Variants in SOX5 observed in about 807,000 individuals in gnomAD.
The protein encoded by SOX5 is transcription factor SOX-5.
A neutral mutation model predicts 92.0 loss-of-function variants in SOX5; 9 were observed. That is an observed-to-expected ratio of 0.10 (90% CI 0.06 to 0.17). The LOEUF is 0.17. SOX5 is among the 10% of genes least tolerant of loss of function. The probability of loss-of-function intolerance (pLI) is 1.00; values close to 1 mark genes in which losing one functional copy is unlikely to be tolerated. For synonymous variants in SOX5, 344 were observed against 336.3 expected (o/e 1.02, Z -0.25); for missense variants, 642 against 944.5 (o/e 0.68, Z 4.20).
At chr12:24,070,350 C>T (rs1941567072) in intron 4 of SOX5, among the ~76,000 whole-genome samples, 1 of 152,124 alleles carries the variant, frequency 6.6e-6, no homozygotes, top group Admixed American at 6.5e-5. Flanking sequence ...TGATCAGGCC[C>T]TTTGATCACA....
At chr12:23,557,975 C>CA (rs371140908) in intron 11 of SOX5, among the ~76,000 whole-genome samples, 66,918 of 112,756 alleles carry the variant, frequency 0.59, 18,017 homozygotes, top group Non-Finnish European at 0.62. Flanking sequence ...GACTCCGCCT[C>CA]AAAAAAAAAA....
intron 3 of SOX5, among the ~76,000 whole-genome samples, chr12:23,831,459 C>T (rs34746785): frequency 0.084 from 12,800 of 151,936 alleles, 629 homozygotes; most frequent in Middle Eastern, 0.15. Flanking sequence ...CAGAGAGGGA[C>T]GGATGGGGGA....
At chr12:23,993,497 T>C (rs1449088737) in intron 4 of SOX5, among the ~76,000 whole-genome samples, 1 of 152,136 alleles carries the variant, frequency 6.6e-6, no homozygotes, top group Non-Finnish European at 1.5e-5. Flanking sequence ...AAAACTGTCA[T>C]CATGACTTCA....
intron 1 of SOX5, among the ~76,000 whole-genome samples, chr12:24,499,771 T>A (rs1434444681): frequency 3.5e-5 from 5 of 143,004 alleles, no homozygotes; most frequent in Admixed American, 7.1e-5. Context: ...TTTTTTTTTT[T>A]AAATAGAAAA....
intron 4 of SOX5, among the ~76,000 whole-genome samples, chr12:23,979,901 CTGG>C (rs769405385): frequency 0.028 from 3,946 of 141,210 alleles, 61 homozygotes; most frequent in East Asian, 0.044. Context: ...GGCTGGCTGG[CTGG>C]CTGGCTGGCC....
chr12:24,075,563 T>C (rs1942464197), intron 4 of SOX5, among the ~76,000 whole-genome samples: 1 of 152,168 alleles, frequency 6.6e-6, no homozygotes, highest in Non-Finnish European at 1.5e-5. Flanking sequence ...AATCCAAAGC[T>C]GCCCAAAAGT....
chr12:24,336,180 C>T (rs1951872743), intron 2 of SOX5, among the ~76,000 whole-genome samples: 2 of 151,310 alleles, frequency 1.3e-5, no homozygotes, highest in Non-Finnish European at 2.9e-5. Context: ...CTGCAAACTC[C>T]ATCTCCCAGG....
intron 4 of SOX5, among the ~76,000 whole-genome samples, chr12:23,997,229 C>T (rs1296392337): frequency 1.3e-5 from 2 of 152,168 alleles, no homozygotes; most frequent in African/African-American, 4.8e-5. Context: ...TTCACCAGCC[C>T]TAAGCTCTTT....
intron 3 of SOX5, among the ~76,000 whole-genome samples, chr12:24,226,183 CA>C (rs1054324572): frequency 6.6e-6 from 1 of 150,800 alleles, no homozygotes. Context: ...TCTCATGGTT[CA>C]AAAAAAAACT....
rs921117052 is a variant in SOX5, at chr12:23,530,626, A to G, written c.*3593T>C. On this transcript the variant is annotated 3_prime_UTR_variant, in exon 15 of 15. Coordinates refer to ENST00000451604, the MANE Select transcript of SOX5 (RefSeq NM_006940.6). ...GAAGAATAGTTTTATATTTTATCCA[A>G]TTGTGGTAAGTTAATCACTAACTTA... is the stretch of plus-strand genomic sequence containing the variant. 3 of 152,276 alleles carry G rather than the reference A, an allele frequency of 2.0e-5. No homozygotes were observed. The highest frequency in any genetic ancestry group is 4.4e-5 in the Non-Finnish European group (3 of 68,022). The allele number at this position is 152,276 out of a possible 1,614,324, so 9.4% of individuals were successfully genotyped here.
At chr12:24,217,278 T>C (rs1959226416) in intron 3 of SOX5, among the ~76,000 whole-genome samples, 1 of 152,142 alleles carries the variant, frequency 6.6e-6, no homozygotes, top group African/African-American at 2.4e-5. Flanking sequence ...ATAAGGACAG[T>C]CTAATTGAGG....
chr12:23,624,198 G>C (rs774010514), intron 8 of SOX5, among the ~76,000 whole-genome samples: 2 of 152,108 alleles, frequency 1.3e-5, no homozygotes, highest in Non-Finnish European at 2.9e-5. Flanking sequence ...GGAGAATGAG[G>C]AGTTGTTGAA....
intron 1 of SOX5, among the ~76,000 whole-genome samples, chr12:24,488,710 T>A (rs538153084): frequency 2.6e-4 from 40 of 152,236 alleles, no homozygotes; most frequent in Admixed American, 8.5e-4. Flanking sequence ...TAAGTGTAAG[T>A]ATTTTAAAAT....
intron 2 of SOX5, among the ~76,000 whole-genome samples, chr12:24,361,606 A>G (rs994966022): frequency 1.9e-4 from 26 of 139,988 alleles, no homozygotes; most frequent in Non-Finnish European, 3.7e-4. Flanking sequence ...AGGCTTTTTC[A>G]GGTTTTGTGT....
chr12:23,576,083 T>C (rs1029239567), intron 9 of SOX5, among the ~76,000 whole-genome samples: 9 of 152,240 alleles, frequency 5.9e-5, no homozygotes, highest in Non-Finnish European at 1.2e-4. Context: ...AGAAAGCAGA[T>C]AATTTTTGTA....
chr12:23,779,657 T>C (rs1455657791), intron 3 of SOX5, among the ~76,000 whole-genome samples: 2 of 151,330 alleles, frequency 1.3e-5, no homozygotes, highest in Admixed American at 6.6e-5. Context: ...GAAGAAACAT[T>C]AGCCTAAATC....
chr12:24,012,211 T>C (rs999160902), intron 4 of SOX5, among the ~76,000 whole-genome samples: 9 of 152,198 alleles, frequency 5.9e-5, no homozygotes, highest in Admixed American at 3.3e-4. Flanking sequence ...TTATTTTTAC[T>C]TTAAGCAACT....
At chr12:24,147,751 A>G (rs1412087904) in intron 4 of SOX5, among the ~76,000 whole-genome samples, 1 of 152,226 alleles carries the variant, frequency 6.6e-6, no homozygotes, top group South Asian at 2.1e-4. Context: ...AATTAGCTAT[A>G]TTCTATATAT....
chr12:23,676,322 T>C (rs2085684463), intron 6 of SOX5, among the ~76,000 whole-genome samples: 1 of 152,196 alleles, frequency 6.6e-6, no homozygotes, highest in East Asian at 1.9e-4. Flanking sequence ...TATCATGTTG[T>C]ATACCCTAAA....
Sources: gnomAD v4.1 joint callset for allele counts (sites outside exome capture counted in the v4.1 genomes callset) on GRCh38, gnomAD v4.1.1 for gene constraint, MANE v1.5 for transcripts, NCBI Gene and HGNC (gene_info 2026-07-23, HGNC 2026-07-21) for gene names.